ARHGEF28: variants seen among roughly 807,000 people sequenced by gnomAD.
ARHGEF28 encodes 190 kDa guanine nucleotide exchange factor.
Under a neutral mutation model 206.6 loss-of-function variants are expected in ARHGEF28, and 152 were observed. The observed-to-expected ratio is 0.74, with a 90% CI of 0.64 to 0.84. The LOEUF (loss-of-function observed/expected upper bound fraction) is 0.84, where lower values mean the gene tolerates loss of function less well. ARHGEF28 is among the 40% of genes least tolerant of loss of function. The pLI is 0.00. For missense variants in ARHGEF28, 2,028 were observed against 2,073.2 expected (o/e 0.98, Z 0.42); for synonymous variants, 763 against 776.4 (o/e 0.98, Z 0.29).
chr5:73,940,966 G>C lies in ARHGEF28; in HGVS notation c.5071G>C (p.Asp1691His). Residue 1691 changes from aspartate (D) to histidine (H), a missense_variant, in exon 36 of 36, where the codon GAT becomes CAT. Asp to His is a moderately conservative substitution (Grantham distance 81). Around this residue, in one of 3 missense-constraint regions of ARHGEF28, gnomAD observed 803 missense variants for 768.0 expected, o/e 1.05. Transcript: ENST00000513042. ...ACCGACAAGGACAATGACCAGACAA[G>C]ATGGGGAAACTGGAGATGGAGCCAA... The part of the protein sequence containing the change: ...NLPTRTMTRQ[D>H]GETGDGAKEN... The C allele has an allele frequency of 1.3e-6, 2 of 1,530,546 alleles. No homozygotes were observed. Among genetic ancestry groups the C allele is most frequent in the Non-Finnish European group, 1.7e-6 (2 of 1,145,618 alleles). 94.8% of individuals were successfully genotyped at this position (1,530,546 alleles called of 1,614,324 possible). A position where few individuals can be genotyped will look rare whatever the true frequency, so the allele number is the denominator to read the frequency against.
chr5:73,828,646 TC>T (rs1439623611), intron 9 of ARHGEF28, among the ~76,000 whole-genome samples: 2 of 151,750 alleles, frequency 1.3e-5, no homozygotes, highest in Non-Finnish European at 2.9e-5. Flanking sequence ...GTTTCTCCTT[TC>T]CTTTCCTTTT....
intron 4 of ARHGEF28, among the ~76,000 whole-genome samples, chr5:73,753,890 G>A (rs1752162255): frequency 6.6e-6 from 1 of 152,144 alleles, no homozygotes; most frequent in African/African-American, 2.4e-5. Context: ...GGCTGAACTT[G>A]AACTTCTGAC....
At chr5:73,644,590 C>T (rs896157145) in intron 1 of ARHGEF28, among the ~76,000 whole-genome samples, 2 of 152,226 alleles carry the variant, frequency 1.3e-5, no homozygotes, top group Admixed American at 1.3e-4. Flanking sequence ...CTGGCCCTGC[C>T]TCCTGCCAAA....
chr5:73,676,069 C>CTTTTTTT (rs70973270), intron 1 of ARHGEF28, among the ~76,000 whole-genome samples: 3 of 115,146 alleles, frequency 2.6e-5, no homozygotes, highest in Admixed American at 9.7e-5. Flanking sequence ...ATTTTCTTTT[C>CTTTTTTT]TTTTTTTTTT....
chr5:73,720,803 C>T (rs545017017), intron 2 of ARHGEF28, among the ~76,000 whole-genome samples: 1 of 152,234 alleles, frequency 6.6e-6, no homozygotes, highest in South Asian at 2.1e-4. Context: ...AGTTGACATC[C>T]AAACAACCCC....
intron 1 of ARHGEF28, among the ~76,000 whole-genome samples, chr5:73,649,386 AT>A (rs1354070772): frequency 6.6e-6 from 1 of 152,246 alleles, no homozygotes; most frequent in Non-Finnish European, 1.5e-5. Flanking sequence ...GGGAAAAAGC[AT>A]GCCTTGTTGG....
chr5:73,804,467 T>C (rs1418448974), intron 9 of ARHGEF28, among the ~76,000 whole-genome samples: 1 of 152,258 alleles, frequency 6.6e-6, no homozygotes. Context: ...TGTTTTAGCA[T>C]CGGTTCCACA....
At chr5:73,806,373 T>TATATATAGATATATATAGATATATATAC (rs1755449336) in intron 9 of ARHGEF28, among the ~76,000 whole-genome samples, 3 of 30,280 alleles carry the variant, frequency 9.9e-5, no homozygotes, top group Admixed American at 4.3e-4. Context: ...CTATATATAC[T>TATATATAGATATATATAGATATATATAC]ATATATAGAT....
chr5:73,737,412 T>G (rs1370144421), intron 2 of ARHGEF28, among the ~76,000 whole-genome samples: 4 of 149,100 alleles, frequency 2.7e-5, no homozygotes, highest in South Asian at 4.3e-4. Context: ...CCGTTGTTTT[T>G]GTTTCTCTCC....
intron 17 of ARHGEF28, among the ~76,000 whole-genome samples, chr5:73,865,755 G>A (rs1365797597): frequency 2.6e-5 from 4 of 152,190 alleles, no homozygotes; most frequent in Admixed American, 2.6e-4. Flanking sequence ...GGAGGCGCAT[G>A]TTCACAAGGC....
chr5:73,847,043 CTTAT>C lies in ARHGEF28; in HGVS notation c.1635+578_1635+581del, dbSNP rs1281882082. Among the ~76,000 whole-genome samples the C allele has an allele frequency of 4.6e-5, 7 of 151,832 alleles. No homozygotes were observed. The East Asian group carries it at 7.7e-4, about 17-fold the overall frequency. On this transcript the variant is annotated intron_variant, in intron 12 of 35. Transcript: ENST00000513042. ...TGCTTGTTTTTTTGTTATTTATTTA[CTTAT>C]TTATTTATTAAAAAACTAAATACAT... is the stretch of plus-strand genomic sequence containing the variant.
intron 9 of ARHGEF28, among the ~76,000 whole-genome samples, chr5:73,810,335 A>C (rs1755770420): frequency 6.6e-6 from 1 of 152,208 alleles, no homozygotes; most frequent in South Asian, 2.1e-4. Flanking sequence ...ACTGTTTCAG[A>C]ATAATTTTGA....
At position 73,838,683 on chromosome 5, in the gene ARHGEF28, C is replaced by T. The variant is rs976149527; in HGVS notation, c.1147-1797C>T. ...AGTTAAATTATGTCTATAAATGTTT[C>T]TTAACCATGTAAGAATAAATGAAAA... On this transcript the variant is annotated intron_variant, in intron 10 of 35. Coordinates refer to ENST00000513042, the MANE Select transcript of ARHGEF28 (RefSeq NM_001177693.2). Among the ~76,000 whole-genome samples, 5 of 152,162 alleles carry T rather than the reference C, an allele frequency of 3.3e-5. No homozygotes were observed. In the South Asian group the frequency reaches 8.3e-4, roughly 25 times the overall value.
At chr5:73,863,360 A>G (rs376976372) in intron 16 of ARHGEF28, 4 of 152,182 alleles carry the variant, frequency 2.6e-5, no homozygotes, top group African/African-American at 9.6e-5. Context: ...TTCCTTGGGT[A>G]AGTATGATTT....
intron 33 of ARHGEF28, chr5:73,904,731 A>C (rs961170043): frequency 1.4e-5 from 4 of 284,588 alleles, no homozygotes; most frequent in Non-Finnish European, 6.5e-6. Context: ...TGAAAACCTA[A>C]ATTCACACCT....
chr5:73,906,862 A>T (rs1762586378), intron 33 of ARHGEF28, among the ~76,000 whole-genome samples: 1 of 152,044 alleles, frequency 6.6e-6, no homozygotes, highest in South Asian at 2.1e-4. Flanking sequence ...CTTATATTGT[A>T]ACTGGTAAAC....
intron 7 of ARHGEF28, among the ~76,000 whole-genome samples, chr5:73,788,652 T>C (rs1015871172): frequency 1.3e-5 from 2 of 152,170 alleles, no homozygotes; most frequent in African/African-American, 2.4e-5. Flanking sequence ...TGTCTTCACA[T>C]TGAGTAGGCT....
chr5:73,827,051 CTGAT>C, intron 9 of ARHGEF28, among the ~76,000 whole-genome samples: 1 of 152,306 alleles, frequency 6.6e-6, no homozygotes, highest in East Asian at 1.9e-4. Flanking sequence ...AATGCTGTCT[CTGAT>C]TGTCTAACTT....
intron 2 of ARHGEF28, among the ~76,000 whole-genome samples, chr5:73,705,697 A>G (rs1748887894): frequency 6.6e-6 from 1 of 152,218 alleles, no homozygotes. Flanking sequence ...AGGAGTCCTC[A>G]TTTTAGAGTA....
Sources: gnomAD v4.1 joint callset for allele counts (sites outside exome capture counted in the v4.1 genomes callset) on GRCh38, gnomAD v4.1.1 for gene constraint, gnomAD v4.1.1 regional missense constraint, MANE v1.5 for transcripts, NCBI Gene and HGNC (gene_info 2026-07-23, HGNC 2026-07-21) for gene names.